Variants in PIGN observed in about 807,000 individuals in gnomAD.
The protein encoded by PIGN is GPI ethanolamine phosphate transferase 1.
PIGN carries 117 observed loss-of-function variants against 125.4 expected under a neutral mutation model. The observed-to-expected ratio is 0.93, with a 90% CI of 0.80 to 1.09. The LOEUF is 1.09. Among genes scored for constraint, PIGN ranks in the 50% least tolerant of loss-of-function variants. The pLI, the probability that PIGN is intolerant of heterozygous loss-of-function variation, is 0.00. For synonymous variants in PIGN, 392 were observed against 377.8 expected (o/e 1.04, Z -0.44); for missense variants, 1,075 against 1,094.9 (o/e 0.98, Z 0.26).
intron 23 of PIGN, among the ~76,000 whole-genome samples, chr18:62,018,116 T>A (rs1215747309): frequency 6.6e-6 from 1 of 152,164 alleles, no homozygotes. Flanking sequence ...GCATGGGAAC[T>A]AACAGGCACA....
At chr18:62,155,370 C>G (rs1031365439) in intron 6 of PIGN, among the ~76,000 whole-genome samples, 4 of 151,898 alleles carry the variant, frequency 2.6e-5, no homozygotes, top group Admixed American at 1.3e-4. Flanking sequence ...AGATCGAGAC[C>G]CCCCTGGCCA....
chr18:62,030,486 A>G (rs1486926113), intron 23 of PIGN, among the ~76,000 whole-genome samples: 2 of 152,216 alleles, frequency 1.3e-5, no homozygotes, highest in East Asian at 1.9e-4. Flanking sequence ...ACACATAAAT[A>G]CCAGAAATAT....
chr18:62,060,098 C>T (rs1457527782), intron 30 of PIGN, among the ~76,000 whole-genome samples: 3 of 152,300 alleles, frequency 2.0e-5, no homozygotes, highest in Non-Finnish European at 2.9e-5. Flanking sequence ...TGGCAGGAAA[C>T]AGTTGTGAAG....
At chr18:62,060,892 A>G (rs1431419959) in intron 30 of PIGN, among the ~76,000 whole-genome samples, 2 of 152,218 alleles carry the variant, frequency 1.3e-5, no homozygotes, top group East Asian at 1.9e-4. Flanking sequence ...GCAATACTCT[A>G]TAAAGTTTAT....
At chr18:62,158,138 A>C (rs2036809280) in intron 4 of PIGN, 1 of 201,714 alleles carries the variant, frequency 5.0e-6, no homozygotes. Context: ...TATTATATCA[A>C]TGTTAAATTG....
chr18:62,056,272 G>C (rs2031722955), intron 30 of PIGN, among the ~76,000 whole-genome samples: 2 of 151,556 alleles, frequency 1.3e-5, no homozygotes, highest in African/African-American at 4.8e-5. Context: ...GAATCAACAG[G>C]ACAACGGAAG....
rs570350569 is a variant in PIGN, at chr18:62,162,133, G to C, written c.-33+120C>G. ...ATCACATGCATAACTGGGTGCTGGGGTACTATAAAGAATATCGAGTTCTCT... is the reference window on the plus strand; with the variant it reads ...ATCACATGCATAACTGGGTGCTGGGCTACTATAAAGAATATCGAGTTCTCT... On this transcript the variant is annotated intron_variant, in intron 3 of 30. Coordinates refer to ENST00000640252, the MANE Select transcript of PIGN (RefSeq NM_176787.5). 7 of 152,198 alleles carry C rather than the reference G, an allele frequency of 4.6e-5. No individual in the cohort carries two copies. In the South Asian group the frequency reaches 1.2e-3, roughly 27 times the overall value. 9.4% of individuals were successfully genotyped at this position (152,198 alleles called of 1,614,324 possible).
At chr18:62,051,401 G>C (rs1210625966) in intron 30 of PIGN, among the ~76,000 whole-genome samples, 1 of 152,170 alleles carries the variant, frequency 6.6e-6, no homozygotes, top group Non-Finnish European at 1.5e-5. Context: ...ACTATTCAGA[G>C]ATTCAACTTC....
At chr18:62,066,626 G>A (rs1370052353) in intron 30 of PIGN, among the ~76,000 whole-genome samples, 3 of 152,046 alleles carry the variant, frequency 2.0e-5, no homozygotes, top group African/African-American at 4.8e-5. Flanking sequence ...CCTTTATCAC[G>A]TCTTTCAGGA....
At chr18:62,047,443 C>T (rs1490098237) in intron 30 of PIGN, among the ~76,000 whole-genome samples, 9 of 152,208 alleles carry the variant, frequency 5.9e-5, no homozygotes, top group Non-Finnish European at 8.8e-5. Context: ...GGAATTCCAC[C>T]TCCACTCAGA....
chr18:62,172,630 G>A (rs967830317), intron 1 of PIGN, among the ~76,000 whole-genome samples: 3 of 152,054 alleles, frequency 2.0e-5, no homozygotes, highest in African/African-American at 7.2e-5. Context: ...AAATGCAAAT[G>A]TATATTTGCA....
chr18:62,122,317 C>T (rs2146792058), intron 14 of PIGN, among the ~76,000 whole-genome samples: 1 of 152,164 alleles, frequency 6.6e-6, no homozygotes, highest in South Asian at 2.1e-4. Context: ...ATCAATTTTA[C>T]AAAGAAAATT....
chr18:62,031,029 G>C (rs997341958), intron 23 of PIGN, among the ~76,000 whole-genome samples: 5 of 152,106 alleles, frequency 3.3e-5, no homozygotes, highest in African/African-American at 1.2e-4. Flanking sequence ...TATTGGTATG[G>C]TTTTGCTGTG....
chr18:62,088,682 A>ACT (rs1477465647), intron 25 of PIGN, 74 bp downstream of exon 25: 5 of 808,242 alleles, frequency 6.2e-6, no homozygotes, highest in Non-Finnish European at 1.1e-5. Context: ...GATGGGCAGA[A>ACT]ACACCTTCCA....
In PIGN at chr18:62,162,274, C is replaced by A. The variant is rs925884508; in HGVS notation, c.-54G>T. 6.6e-6 allele frequency: 1 copy of A among 151,804 alleles called. No homozygotes were observed. The highest frequency in any genetic ancestry group is 2.4e-5 in the African/African-American group (1 of 41,314). The allele number at this position is 151,804 out of a possible 1,614,324, so 9.4% of individuals were successfully genotyped here. On this transcript the variant is annotated 5_prime_UTR_variant, in exon 3 of 31. Transcript: ENST00000640252. ...ATACCATTAAATTGCCAAGATCAAA[C>A]GGAACATGGGAGTACTTTCCAAGCC...
At chr18:62,169,434 T>C (rs1217581141) in intron 1 of PIGN, among the ~76,000 whole-genome samples, 2 of 151,886 alleles carry the variant, frequency 1.3e-5, no homozygotes, top group African/African-American at 4.8e-5. Flanking sequence ...AGCTTATGTA[T>C]GGGCGTGTGC....
intron 1 of PIGN, among the ~76,000 whole-genome samples, chr18:62,177,864 T>C (rs1377803768): frequency 6.6e-6 from 1 of 152,182 alleles, no homozygotes; most frequent in African/African-American, 2.4e-5. Context: ...CAAGTTTTTG[T>C]AGTCTGGCTC....
intron 9 of PIGN, 76 bp downstream of exon 9, chr18:62,146,895 A>C (rs556676800): frequency 1.4e-4 from 212 of 1,462,516 alleles, no homozygotes; most frequent in Admixed American, 2.9e-4. Context: ...AATCCTCTCA[A>C]CATCATAAAA....
chr18:62,140,472 A>T lies in PIGN; in HGVS notation c.971T>A (p.Ile324Asn). Residue 324 changes from isoleucine to asparagine, a missense_variant, in exon 12 of 31, where the codon ATT becomes AAT. Around this residue, in one of 3 missense-constraint regions of PIGN, gnomAD observed 915 missense variants for 908.7 expected, o/e 1.01. Coordinates refer to ENST00000640252, the MANE Select transcript of PIGN (RefSeq NM_176787.5). ...AATAAGGGAAGTCATCAATGGTGCA[A>T]TATCAGCCTACAAATAAAAAAGCTC... ...WKRLDVNQADIAPLMTSLIGV... is the reference protein window; with the variant it reads ...WKRLDVNQADNAPLMTSLIGV... 6.5e-7 allele frequency: 1 copy of T among 1,541,014 alleles called. No homozygotes were observed. The highest frequency in any genetic ancestry group is 1.4e-5 in the African/African-American group (1 of 73,622).
Sources: allele counts gnomAD v4.1 joint callset (sites outside exome capture counted in the v4.1 genomes callset), GRCh38; gene constraint gnomAD v4.1.1; regional missense constraint gnomAD v4.1.1; transcripts MANE v1.5; gene names NCBI Gene and HGNC (gene_info 2026-07-23, HGNC 2026-07-21).